Variants in SLC26A3 observed in about 807,000 individuals in gnomAD.
SLC26A3 encodes the protein chloride anion exchanger.
SLC26A3 carries 64 observed loss-of-function variants against 85.6 expected under a neutral mutation model. The observed-to-expected ratio is 0.75, with a 90% CI of 0.61 to 0.92. The LOEUF (loss-of-function observed/expected upper bound fraction) is 0.92. SLC26A3 is among the 40% of genes least tolerant of loss of function. The pLI, the probability that SLC26A3 is intolerant of heterozygous loss-of-function variation, is 0.00. For synonymous variants in SLC26A3, 349 were observed against 336.0 expected (o/e 1.04, Z -0.42); for missense variants, 922 against 927.3 (o/e 0.99, Z 0.07).
In SLC26A3 at chr7:107,793,755, C is replaced by A. The variant is rs746560492; in HGVS notation, c.258G>T (p.Val86=). 6.2e-7 allele frequency: 1 copy of A among 1,613,910 alleles called. No homozygotes were observed. The highest frequency in any genetic ancestry group is 8.5e-7 in the Non-Finnish European group (1 of 1,179,906). ...AAAAAATTTTACCTTGTAGTACGGC[C>A]ACAATCCCTGTGCTGATACCAGAAA... ...DIVSGISTGI[V]AVLQGLAFAL... Residue 86 remains valine, a synonymous_variant, in exon 3 of 21, where the codon GTG becomes GTT. Transcript: ENST00000340010.
chr7:107,786,937 G>A, intron 7 of SLC26A3, 28 bp from the exon 8 acceptor site: 1 of 1,575,002 alleles, frequency 6.3e-7, no homozygotes, highest in Non-Finnish European at 8.7e-7. Flanking sequence ...GCCCAAGTTA[G>A]AAATGTGAGA....
intron 15 of SLC26A3, among the ~76,000 whole-genome samples, chr7:107,775,092 G>A (rs559954115): frequency 6.6e-6 from 1 of 152,260 alleles, no homozygotes; most frequent in East Asian, 1.9e-4. Context: ...AAAAGCTTTT[G>A]TATAACACAG....
At chr7:107,779,912 A>G (rs1286797306) in intron 11 of SLC26A3, 149 bp from the exon 12 acceptor site, 1 of 706,130 alleles carries the variant, frequency 1.4e-6, no homozygotes, top group African/African-American at 1.8e-5. Context: ...GATGCCACGC[A>G]AGACACACCA....
intron 8 of SLC26A3, among the ~76,000 whole-genome samples, chr7:107,783,568 A>G (rs1374856655): frequency 1.3e-5 from 2 of 152,264 alleles, no homozygotes; most frequent in Non-Finnish European, 2.9e-5. Flanking sequence ...TGCAAATTCA[A>G]TCCAAGGATA....
intron 6 of SLC26A3, among the ~76,000 whole-genome samples, chr7:107,788,874 C>G (rs553397029): frequency 7.0e-6 from 1 of 143,876 alleles, no homozygotes; most frequent in Admixed American, 7.3e-5. Flanking sequence ...GCCTCTAACT[C>G]TCTGGCTCAA....
At chr7:107,776,098 A>C (rs1231002140) in intron 15 of SLC26A3, 1 of 343,688 alleles carries the variant, frequency 2.9e-6, no homozygotes, top group Non-Finnish European at 5.5e-6. Context: ...GTGGTCAAAT[A>C]TTAAATGCTC....
intron 1 of SLC26A3, among the ~76,000 whole-genome samples, chr7:107,795,358 A>C (rs1279779923): frequency 1.3e-5 from 2 of 152,136 alleles, no homozygotes; most frequent in Non-Finnish European, 2.9e-5. Context: ...TATTATTTTG[A>C]TTATTAGCAT....
intron 18 of SLC26A3, among the ~76,000 whole-genome samples, chr7:107,769,578 G>A (rs1037210565): frequency 4.6e-5 from 7 of 152,066 alleles, no homozygotes; most frequent in African/African-American, 1.7e-4. Context: ...GCCTATCGGA[G>A]GGTGAAGGGT....
At position 107,773,842 on chromosome 7, in the gene SLC26A3, TGCCCA is replaced by T. The variant is rs1794064806; in HGVS notation, c.2007+73_2007+77del. 65 of 1,227,712 alleles carry T rather than the reference TGCCCA, an allele frequency of 5.3e-5. No homozygotes were observed. The South Asian group carries it at 8.1e-4, about 15-fold the overall frequency. The allele number at this position is 1,227,712 out of a possible 1,614,324, so 76.1% of individuals were successfully genotyped here. On this transcript the variant is annotated intron_variant, in intron 17 of 20. Coordinates refer to ENST00000340010, the MANE Select transcript of SLC26A3 (RefSeq NM_000111.3). ...CTGGGATTACAGGCATGAGCCACTG[TGCCCA>T]GCCCACAAATACAATTTTTTTTTTA... is the stretch of plus-strand genomic sequence containing the variant.
intron 16 of SLC26A3, 70 bp downstream of exon 16, chr7:107,774,707 A>C: frequency 2.8e-6 from 3 of 1,085,662 alleles, no homozygotes; most frequent in Non-Finnish European, 4.3e-6. Context: ...AAAGGAATGG[A>C]ACTACACCTT....
At chr7:107,778,341 A>C in intron 12 of SLC26A3, 60 bp from the exon 13 acceptor site, 8 of 830,406 alleles carry the variant, frequency 9.6e-6, no homozygotes, top group Non-Finnish European at 1.5e-5. Context: ...CAATGTCGAG[A>C]CGGGGTCTTT....
intron 18 of SLC26A3, among the ~76,000 whole-genome samples, chr7:107,768,217 C>G (rs1793948232): frequency 6.6e-6 from 1 of 152,116 alleles, no homozygotes; most frequent in African/African-American, 2.4e-5. Context: ...AATTGATCTC[C>G]CTGCTTAATG....
chr7:107,787,541 C>T (rs1372834317), intron 6 of SLC26A3, 32 bp from the exon 7 acceptor site: 1 of 1,594,110 alleles, frequency 6.3e-7, no homozygotes, highest in East Asian at 2.2e-5. Context: ...CCACCAAAGC[C>T]CTATATTAAT....
chr7:107,775,450 C>T (rs981304695), intron 15 of SLC26A3, among the ~76,000 whole-genome samples: 2 of 151,844 alleles, frequency 1.3e-5, no homozygotes, highest in East Asian at 1.9e-4. Context: ...CTTGGCCAGG[C>T]GTGGTGGCTG....
chr7:107,781,191 C>T (rs1029943326), intron 11 of SLC26A3, among the ~76,000 whole-genome samples: 1 of 152,130 alleles, frequency 6.6e-6, no homozygotes, highest in Non-Finnish European at 1.5e-5. Context: ...CCGCAGTAAT[C>T]TGGTATCCAT....
At chr7:107,780,284 T>C (rs1478789803) in intron 11 of SLC26A3, among the ~76,000 whole-genome samples, 1 of 152,086 alleles carries the variant, frequency 6.6e-6, no homozygotes, top group East Asian at 1.9e-4. Context: ...GAACCTACTA[T>C]GTTAAATGCA....
At chr7:107,795,613 A>G (rs1237502862) in intron 1 of SLC26A3, among the ~76,000 whole-genome samples, 1 of 152,216 alleles carries the variant, frequency 6.6e-6, no homozygotes, top group Non-Finnish European at 1.5e-5. Flanking sequence ...GCTTGTTAAC[A>G]TGGCAGAAAT....
chr7:107,792,711 C>A (rs1001411439), intron 3 of SLC26A3, among the ~76,000 whole-genome samples: 1 of 152,114 alleles, frequency 6.6e-6, no homozygotes, highest in African/African-American at 2.4e-5. Flanking sequence ...GGACCCCTGG[C>A]ATAAGCACCC....
At chr7:107,789,119 C>CT (rs72134999) in intron 6 of SLC26A3, among the ~76,000 whole-genome samples, 47,588 of 128,168 alleles carry the variant, frequency 0.37, 8,960 homozygotes, top group Middle Eastern at 0.6. Flanking sequence ...TTTTCTTTTT[C>CT]TTTTTTTTTT....
Sources: gnomAD v4.1 joint callset for allele counts (sites outside exome capture counted in the v4.1 genomes callset) on GRCh38, gnomAD v4.1.1 for gene constraint, MANE v1.5 for transcripts, NCBI Gene and HGNC (gene_info 2026-07-23, HGNC 2026-07-21) for gene names.